The following SMURF1 variants were observed in gnomAD, a reference collection of about 807,000 sequenced individuals.
SMURF1 encodes E3 ubiquitin-protein ligase SMURF1.
In SMURF1, 44 loss-of-function variants were observed where a neutral mutation model predicts 98.0. The observed-to-expected ratio is 0.45, with a 90% CI of 0.35 to 0.58. The LOEUF (loss-of-function observed/expected upper bound fraction) is 0.58. SMURF1 is among the 20% of genes least tolerant of loss of function. The pLI, the probability that SMURF1 is intolerant of heterozygous loss-of-function variation, is 0.00. For synonymous variants in SMURF1, 396 were observed against 374.9 expected (o/e 1.06, Z -0.65); for missense variants, 687 against 938.4 (o/e 0.73, Z 3.50).
intron 1 of SMURF1, 133 bp from the exon 2 acceptor site, chr7:99,061,970 C>T: frequency 1.7e-6 from 1 of 571,630 alleles, no homozygotes. Context: ...AATCTAGTAT[C>T]ATATGAAACA....
At chr7:99,132,924 C>A (rs1797904373) in intron 1 of SMURF1, among the ~76,000 whole-genome samples, 1 of 152,176 alleles carries the variant, frequency 6.6e-6, no homozygotes, top group Admixed American at 6.5e-5. Flanking sequence ...CTGATTTATG[C>A]TCTTAAAAGA....
intron 5 of SMURF1, among the ~76,000 whole-genome samples, chr7:99,056,938 G>A (rs1270270505): frequency 6.9e-6 from 1 of 144,124 alleles, no homozygotes; most frequent in African/African-American, 2.6e-5. Context: ...GGGAGGCGGA[G>A]GTTGAGGTGA....
At chr7:99,131,746 G>T (rs997960336) in intron 1 of SMURF1, among the ~76,000 whole-genome samples, 5 of 152,068 alleles carry the variant, frequency 3.3e-5, no homozygotes, top group African/African-American at 1.2e-4. Context: ...GGGAGGAAAA[G>T]AGGCCCTTTC....
chr7:99,085,367 A>G lies in SMURF1; in HGVS notation c.56-23530T>C, dbSNP rs190514037. Among the ~76,000 whole-genome samples the G allele has an allele frequency of 2.4e-3, 368 of 150,958 alleles. 1 individual carries two copies. The highest frequency in any genetic ancestry group is 3.6e-3 in the African/African-American group (149 of 40,948). On this transcript the variant is annotated intron_variant, in intron 1 of 17. Coordinates refer to ENST00000361368, the MANE Select transcript of SMURF1 (RefSeq NM_181349.3). ...AAACTCCATCTCAAAAAAAAAAAAAAAAAAGAAAAGAAAAGAAAAGAAAAA... is the reference window on the plus strand; with the variant it reads ...AAACTCCATCTCAAAAAAAAAAAAAGAAAAGAAAAGAAAAGAAAAGAAAAA...
intron 17 of SMURF1, among the ~76,000 whole-genome samples, chr7:99,031,184 G>A (rs1245703864): frequency 1.3e-5 from 2 of 152,168 alleles, no homozygotes; most frequent in South Asian, 2.1e-4. Flanking sequence ...CACCACTAAC[G>A]ATGTACTGCG....
chr7:99,058,770 A>G (rs1246228853), intron 3 of SMURF1, among the ~76,000 whole-genome samples: 1 of 152,234 alleles, frequency 6.6e-6, no homozygotes, highest in Admixed American at 6.5e-5. Context: ...TAGTAGGAAC[A>G]TGAAAACATG....
At chr7:99,099,445 TAC>T (rs1400805697) in intron 1 of SMURF1, among the ~76,000 whole-genome samples, 2 of 152,174 alleles carry the variant, frequency 1.3e-5, no homozygotes, top group African/African-American at 2.4e-5. Context: ...CCTAATTTCT[TAC>T]AGAGTGGTTT....
At position 99,047,815 on chromosome 7, in the gene SMURF1, C is replaced by T. The variant is rs759637040; in HGVS notation, c.1021G>A (p.Glu341Lys). ...PLPSEGSLEDEELPAQRYERD... is the reference protein window; with the variant it reads ...PLPSEGSLEDKELPAQRYERD... Reference sequence around the variant, plus strand: ...TCGTATCTCTGGGCAGGAAGCTCCTCGTCCTCCAGAGAGCCCTCACTGGGC... The same window carrying T: ...TCGTATCTCTGGGCAGGAAGCTCCTTGTCCTCCAGAGAGCCCTCACTGGGC... The change falls in exon 10 of 18, where the codon GAG (glutamate) becomes AAG (lysine). Residue 341 changes from glutamate (E) to lysine (K), a missense_variant. By Grantham distance (56) the Glu-to-Lys change is moderately conservative (BLOSUM62 1). Coordinates refer to ENST00000361368, the MANE Select transcript of SMURF1 (RefSeq NM_181349.3). 34 of 1,614,062 alleles carry T rather than the reference C, an allele frequency of 2.1e-5. No homozygotes were observed. The highest frequency in any genetic ancestry group is 2.4e-5 in the Non-Finnish European group (28 of 1,180,040).
At chr7:99,067,933 G>A (rs753521132) in intron 1 of SMURF1, among the ~76,000 whole-genome samples, 52 of 152,108 alleles carry the variant, frequency 3.4e-4, no homozygotes, top group Non-Finnish European at 6.3e-4. Context: ...CAGCCTGGGC[G>A]ACAGAACGAG....
At chr7:99,095,758 G>A (rs1286714154) in intron 1 of SMURF1, among the ~76,000 whole-genome samples, 9 of 152,308 alleles carry the variant, frequency 5.9e-5, no homozygotes, top group Middle Eastern at 3.4e-3. Context: ...TGGGGGAGAT[G>A]AGAATTGCGC....
At position 99,066,066 on chromosome 7, in the gene SMURF1, C is replaced by G. The variant is rs183064810; in HGVS notation, c.56-4229G>C. ...TCTCAAAAAAAAAAAAAGGCACAAGCGAGAAGACTACATGTTCTCCCTTTT... is the reference window on the plus strand; with the variant it reads ...TCTCAAAAAAAAAAAAAGGCACAAGGGAGAAGACTACATGTTCTCCCTTTT... On this transcript the variant is annotated intron_variant, in intron 1 of 17. Coordinates refer to ENST00000361368, the MANE Select transcript of SMURF1 (RefSeq NM_181349.3). 4.0e-5 allele frequency among the ~76,000 whole-genome samples: 6 copies of G among 151,796 alleles called. No individual in the cohort carries two copies. In the South Asian group the frequency reaches 6.2e-4, roughly 16 times the overall value.
chr7:99,129,215 A>C (rs538425131), intron 1 of SMURF1, among the ~76,000 whole-genome samples: 35 of 152,328 alleles, frequency 2.3e-4, no homozygotes, highest in Admixed American at 5.9e-4. Context: ...GTTTCTTTTT[A>C]CGTAGTACAT....
chr7:99,034,993 A>G (rs116607584), intron 16 of SMURF1, among the ~76,000 whole-genome samples: 4,810 of 152,294 alleles, frequency 0.032, 244 homozygotes, highest in African/African-American at 0.11. Flanking sequence ...AAAAGATGAG[A>G]CATTAGGCCG....
At chr7:99,143,535 G>A (rs1220995962) in intron 1 of SMURF1, among the ~76,000 whole-genome samples, 191 bp downstream of exon 1, 1 of 139,506 alleles carries the variant, frequency 7.2e-6, no homozygotes, top group East Asian at 2.3e-4. Flanking sequence ...CGAGCGGCCA[G>A]GGGGCGGGGC....
chr7:99,054,742 T>G (rs1195802690), intron 6 of SMURF1, 48 bp downstream of exon 6: 1 of 1,557,096 alleles, frequency 6.4e-7, no homozygotes, highest in African/African-American at 1.4e-5. Flanking sequence ...GGCCGAGAGG[T>G]TAAGGCAGCA....
chr7:99,113,705 T>C (rs987007748), intron 1 of SMURF1, among the ~76,000 whole-genome samples: 1 of 151,624 alleles, frequency 6.6e-6, no homozygotes, highest in Admixed American at 6.6e-5. Flanking sequence ...CTGGGTGTGG[T>C]GGCGGGGCCT....
chr7:99,107,456 AAAAC>A (rs75692635), intron 1 of SMURF1, among the ~76,000 whole-genome samples: 1 of 152,202 alleles, frequency 6.6e-6, no homozygotes, highest in Non-Finnish European at 1.5e-5. Flanking sequence ...ATTGTCACCA[AAAAC>A]AAACGAACAA....
intron 1 of SMURF1, among the ~76,000 whole-genome samples, chr7:99,065,640 A>C (rs1028640468): frequency 3.3e-5 from 5 of 152,136 alleles, no homozygotes; most frequent in African/African-American, 1.2e-4. Flanking sequence ...GAATATCTCA[A>C]CAGCTCTCAT....
chr7:99,087,555 C>T (rs983240471), intron 1 of SMURF1, among the ~76,000 whole-genome samples: 17 of 152,124 alleles, frequency 1.1e-4, no homozygotes, highest in Admixed American at 7.2e-4. Context: ...AAGAATAAAA[C>T]GACAATGGCA....
Sources: allele counts gnomAD v4.1 joint callset (sites outside exome capture counted in the v4.1 genomes callset), GRCh38; gene constraint gnomAD v4.1.1; transcripts MANE v1.5; gene names NCBI Gene and HGNC (gene_info 2026-07-23, HGNC 2026-07-21).